Variants in CADPS observed in about 807,000 individuals in gnomAD.
CADPS encodes the protein calcium-dependent secretion activator 1.
CADPS carries 57 observed loss-of-function variants against 167.3 expected under a neutral mutation model. The observed-to-expected ratio is 0.34, with a 90% CI of 0.28 to 0.42. The LOEUF is 0.42. Among genes scored for constraint, CADPS ranks in the 20% least tolerant of loss-of-function variants. The pLI is 1.00. For synonymous variants in CADPS, 676 were observed against 635.3 expected (o/e 1.06, Z -0.96); for missense variants, 1,414 against 1,738.1 (o/e 0.81, Z 3.32).
chr3:62,802,522 A>G (rs759304697), intron 1 of CADPS, among the ~76,000 whole-genome samples: 1 of 152,286 alleles, frequency 6.6e-6, no homozygotes, highest in South Asian at 2.1e-4. Context: ...GCATCTTCAA[A>G]GTGATAGGCA....
At chr3:62,545,393 C>A (rs1474950503) in intron 11 of CADPS, among the ~76,000 whole-genome samples, 1 of 152,040 alleles carries the variant, frequency 6.6e-6, no homozygotes, top group Non-Finnish European at 1.5e-5. Flanking sequence ...CCAAGGTAAG[C>A]AGCATTGGCC....
intron 8 of CADPS, among the ~76,000 whole-genome samples, chr3:62,577,394 T>C (rs899328931): frequency 6.6e-6 from 1 of 152,128 alleles, no homozygotes; most frequent in African/African-American, 2.4e-5. Flanking sequence ...AAATTCTTCA[T>C]AAAAATTTCT....
chr3:62,867,250 A>G (rs2081868865), intron 1 of CADPS, among the ~76,000 whole-genome samples: 1 of 152,044 alleles, frequency 6.6e-6, no homozygotes, highest in South Asian at 2.1e-4. Context: ...GATAACGAGC[A>G]TAGTGCCTTT....
intron 2 of CADPS, among the ~76,000 whole-genome samples, chr3:62,761,390 A>G (rs2085370545): frequency 6.6e-6 from 1 of 152,038 alleles, no homozygotes; most frequent in South Asian, 2.1e-4. Flanking sequence ...CAAACAAACA[A>G]AAAAATAACA....
At chr3:62,637,616 C>T (rs560130944) in intron 6 of CADPS, among the ~76,000 whole-genome samples, 6 of 152,242 alleles carry the variant, frequency 3.9e-5, no homozygotes, top group South Asian at 2.1e-4. Context: ...ACAAAACAAC[C>T]GAATTTATGG....
chr3:62,756,585 G>T (rs571048455), intron 2 of CADPS, among the ~76,000 whole-genome samples: 8 of 152,104 alleles, frequency 5.3e-5, no homozygotes, highest in Non-Finnish European at 1.2e-4. Flanking sequence ...TCCTAATAAT[G>T]CCATGCAAAT....
At chr3:62,522,095 C>CTCTA (rs3074258) in intron 13 of CADPS, among the ~76,000 whole-genome samples, 20,215 of 143,930 alleles carry the variant, frequency 0.14, 1,405 homozygotes, top group East Asian at 0.19. Context: ...ATCCTCAAAG[C>CTCTA]TCTATCTATC....
At chr3:62,871,212 T>A (rs1429787789) in intron 1 of CADPS, among the ~76,000 whole-genome samples, 1 of 152,138 alleles carries the variant, frequency 6.6e-6, no homozygotes, top group Non-Finnish European at 1.5e-5. Context: ...GATGGTACTG[T>A]CTCCTTCTGT....
At chr3:62,484,400 C>T (rs1244823661) in intron 21 of CADPS, among the ~76,000 whole-genome samples, 1 of 152,076 alleles carries the variant, frequency 6.6e-6, no homozygotes, top group African/African-American at 2.4e-5. Context: ...CTGCTGATGA[C>T]TATAATGAAT....
At chr3:62,801,393 T>C (rs1388004800) in intron 1 of CADPS, among the ~76,000 whole-genome samples, 1 of 152,134 alleles carries the variant, frequency 6.6e-6, no homozygotes. Flanking sequence ...GGGATGATGT[T>C]AAAGATATCA....
intron 3 of CADPS, among the ~76,000 whole-genome samples, chr3:62,686,962 C>T (rs2078160014): frequency 6.6e-6 from 1 of 152,100 alleles, no homozygotes; most frequent in Non-Finnish European, 1.5e-5. Context: ...GTGCTGGCCT[C>T]ATGCTAGTTC....
intron 3 of CADPS, among the ~76,000 whole-genome samples, chr3:62,716,112 T>G: frequency 6.6e-6 from 1 of 152,240 alleles, no homozygotes; most frequent in Middle Eastern, 3.4e-3. Context: ...CAGGCTGGAA[T>G]GTAGTGGCAT....
chr3:62,443,468 G>A (rs1176353499), intron 27 of CADPS, among the ~76,000 whole-genome samples: 3 of 152,010 alleles, frequency 2.0e-5, no homozygotes, highest in East Asian at 1.9e-4. Flanking sequence ...ATGACATATG[G>A]TTTGGCTGTG....
intron 2 of CADPS, among the ~76,000 whole-genome samples, chr3:62,762,656 C>CAAA (rs35231096): frequency 0.015 from 811 of 53,112 alleles, 11 homozygotes; most frequent in African/African-American, 0.049. Flanking sequence ...AACCCGGACT[C>CAAA]AAAAAAAAAA....
intron 1 of CADPS, among the ~76,000 whole-genome samples, chr3:62,826,053 T>A (rs1339407663): frequency 6.6e-6 from 1 of 152,228 alleles, no homozygotes; most frequent in African/African-American, 2.4e-5. Context: ...CTGCTGTGCC[T>A]GATCCTAAAT....
chr3:62,614,241 C>T (rs1475602089), intron 6 of CADPS, among the ~76,000 whole-genome samples: 3 of 152,158 alleles, frequency 2.0e-5, no homozygotes, highest in Non-Finnish European at 2.9e-5. Flanking sequence ...CCCTGTTTTA[C>T]AGATGAGGGA....
intron 1 of CADPS, among the ~76,000 whole-genome samples, chr3:62,832,863 C>A (rs1450115948): frequency 6.6e-6 from 1 of 152,358 alleles, no homozygotes; most frequent in East Asian, 1.9e-4. Context: ...AAGAAGGGGG[C>A]CATCTGCTTC....
intron 3 of CADPS, among the ~76,000 whole-genome samples, chr3:62,690,090 T>A (rs2078831823): frequency 6.6e-6 from 1 of 151,946 alleles, no homozygotes; most frequent in Non-Finnish European, 1.5e-5. Flanking sequence ...TGTGTTTGAC[T>A]GTACTGGGCA....
intron 3 of CADPS, among the ~76,000 whole-genome samples, chr3:62,744,358 C>CA (rs35709214): frequency 0.13 from 17,651 of 139,970 alleles, 1,051 homozygotes; most frequent in South Asian, 0.19. Flanking sequence ...TTCATATTTT[C>CA]AAAAAAAAAA....
Sources: gnomAD v4.1 joint callset for allele counts (sites outside exome capture counted in the v4.1 genomes callset) on GRCh38, gnomAD v4.1.1 for gene constraint, MANE v1.5 for transcripts, NCBI Gene and HGNC (gene_info 2026-07-23, HGNC 2026-07-21) for gene names.